PALLD: variants seen among roughly 807,000 people sequenced by gnomAD.
PALLD encodes palladin, cytoskeletal associated protein, also known as palladin.
A neutral mutation model predicts 123.5 loss-of-function variants in PALLD; 61 were observed. That is an observed-to-expected ratio of 0.49 (90% CI 0.40 to 0.61). The LOEUF (loss-of-function observed/expected upper bound fraction) is 0.61. PALLD is among the 20% of genes least tolerant of loss of function. PALLD has a pLI of 0.00. For missense variants in PALLD, 1,273 were observed against 1,377.0 expected (o/e 0.92, Z 1.20); for synonymous variants, 465 against 496.4 (o/e 0.94, Z 0.84).
intron 10 of PALLD, among the ~76,000 whole-genome samples, chr4:168,759,660 A>G (rs925437537): frequency 1.4e-5 from 2 of 145,662 alleles, no homozygotes; most frequent in Non-Finnish European, 3.0e-5. Context: ...ATAAAGTGAT[A>G]AAACCTAAAC....
chr4:168,925,692 A>ATTTTTTT (rs1762445999), intron 21 of PALLD, among the ~76,000 whole-genome samples: 2 of 152,162 alleles, frequency 1.3e-5, no homozygotes, highest in Non-Finnish European at 2.9e-5. Flanking sequence ...TAAAAAAAAC[A>ATTTTTTT]CTAGAAAAAA....
At chr4:168,580,618 A>G (rs182682209) in intron 2 of PALLD, among the ~76,000 whole-genome samples, 11 of 152,242 alleles carry the variant, frequency 7.2e-5, no homozygotes, top group Non-Finnish European at 1.3e-4. Flanking sequence ...CAATCACATT[A>G]CCGGGTATAT....
chr4:168,621,553 C>T (rs1774764883), intron 2 of PALLD, among the ~76,000 whole-genome samples: 1 of 152,154 alleles, frequency 6.6e-6, no homozygotes, highest in Non-Finnish European at 1.5e-5. Context: ...CATTTGCTTA[C>T]TTTAAGCTTT....
intron 2 of PALLD, among the ~76,000 whole-genome samples, chr4:168,575,002 C>T (rs575749681): frequency 8.5e-5 from 13 of 152,144 alleles, no homozygotes; most frequent in East Asian, 7.7e-4. Context: ...TTTTAATATC[C>T]GGGATTAAAA....
In PALLD at chr4:168,828,164, C is replaced by A. The variant is rs920929390; in HGVS notation, c.1965-62758C>A. 2.6e-5 allele frequency among the ~76,000 whole-genome samples: 4 copies of A among 152,136 alleles called. No homozygotes were observed. In the South Asian group the frequency reaches 8.3e-4, roughly 32 times the overall value. The stretch of plus-strand genomic sequence containing the variant: ...ACTCTGAGGAAATACATAGCAAAAG[C>A]CTCCTTGTAGAAAATGTGCCAATCC... On this transcript the variant is annotated intron_variant, in intron 10 of 21. Coordinates refer to ENST00000505667, the MANE Select transcript of PALLD (RefSeq NM_001166108.2).
chr4:168,696,078 A>C lies in PALLD; in HGVS notation c.1501+4786A>C, dbSNP rs147075246. ...CATAATGTTTTAGGAAAGTTTATGA[A>C]TTTATGTTGGGCCACATTCAAAGCT... is the stretch of plus-strand genomic sequence containing the variant. On this transcript the variant is annotated intron_variant, in intron 8 of 21. Coordinates refer to ENST00000505667, the MANE Select transcript of PALLD (RefSeq NM_001166108.2). 1.8e-4 allele frequency among the ~76,000 whole-genome samples: 27 copies of C among 152,274 alleles called. 3 individuals carry two copies. Among genetic ancestry groups the C allele is most frequent in the African/African-American group, 5.8e-4 (24 of 41,564 alleles).
At chr4:168,548,535 G>A (rs1318222019) in intron 2 of PALLD, among the ~76,000 whole-genome samples, 1 of 152,090 alleles carries the variant, frequency 6.6e-6, no homozygotes, top group African/African-American at 2.4e-5. Context: ...TCTCAGAAGA[G>A]GCTAATAAAA....
Position 168,641,953 on chromosome 4 carries a change from G to A in PALLD, c.909-26237G>A, listed in dbSNP as rs757057179. On this transcript the variant is annotated intron_variant, in intron 2 of 21. Coordinates refer to ENST00000505667, the MANE Select transcript of PALLD (RefSeq NM_001166108.2). ...GATAGATGACTAGGGAATGGACAGC[G>A]CAATGAATGTTGATTGGGCATGCAC... is the stretch of plus-strand genomic sequence containing the variant. Among the ~76,000 whole-genome samples the A allele has an allele frequency of 7.9e-5, 12 of 152,146 alleles. No individual in the cohort carries two copies. The East Asian group carries it at 9.6e-4, about 12-fold the overall frequency.
intron 10 of PALLD, among the ~76,000 whole-genome samples, chr4:168,841,998 T>C (rs1395830485): frequency 6.6e-6 from 1 of 152,258 alleles, no homozygotes; most frequent in Admixed American, 6.5e-5. Flanking sequence ...CTGTTAATAC[T>C]GTCATTTGAA....
intron 2 of PALLD, among the ~76,000 whole-genome samples, chr4:168,567,158 C>CA (rs2149594991): frequency 6.6e-6 from 1 of 152,060 alleles, no homozygotes; most frequent in African/African-American, 2.4e-5. Context: ...TTTATAAAAA[C>CA]AAAAATAGAC....
chr4:168,600,788 G>A (rs1289038146), intron 2 of PALLD, among the ~76,000 whole-genome samples: 1 of 152,142 alleles, frequency 6.6e-6, no homozygotes, highest in Non-Finnish European at 1.5e-5. Flanking sequence ...TAGACTGCAA[G>A]CAGTTACCAA....
chr4:168,644,983 C>G (rs1777299285), intron 2 of PALLD, among the ~76,000 whole-genome samples: 1 of 151,804 alleles, frequency 6.6e-6, no homozygotes, highest in South Asian at 2.1e-4. Context: ...CGCCTGTAAT[C>G]CCAGCTACTC....
At chr4:168,821,326 CA>C (rs1742680345) in intron 10 of PALLD, among the ~76,000 whole-genome samples, 1 of 152,096 alleles carries the variant, frequency 6.6e-6, no homozygotes, top group Admixed American at 6.6e-5. Flanking sequence ...AAGTCCTCTG[CA>C]AAACATTATC....
chr4:168,906,320 T>C (rs949553829), intron 15 of PALLD, among the ~76,000 whole-genome samples: 1 of 152,196 alleles, frequency 6.6e-6, no homozygotes, highest in African/African-American at 2.4e-5. Context: ...CAATTGTGAG[T>C]CCGCTTAGTG....
chr4:168,703,127 CAG>C (rs1419117094), intron 8 of PALLD, among the ~76,000 whole-genome samples: 3,743 of 140,330 alleles, frequency 0.027, 154 homozygotes, highest in East Asian at 0.24. Flanking sequence ...TCTCATTGTT[CAG>C]TTCCCACCTA....
At chr4:168,583,307 A>G (rs999011687) in intron 2 of PALLD, among the ~76,000 whole-genome samples, 1 of 152,212 alleles carries the variant, frequency 6.6e-6, no homozygotes, top group African/African-American at 2.4e-5. Flanking sequence ...TTATCTAAAA[A>G]GTATGTGAAA....
At position 168,511,722 on chromosome 4, in the gene PALLD, C is replaced by T; in HGVS notation, c.218C>T (p.Ala73Val). ...EISQIFSTSP[A>V]SLCEHPSHKE... ...TCGCAGATTTTCAGTACTTCTCCTG[C>T]AAGCCTCTGTGAACATCCTTCCCAT... is the stretch of plus-strand genomic sequence containing the variant. The change falls in exon 2 of 22, where the codon GCA (alanine) becomes GTA (valine). Residue 73 changes from alanine to valine, a missense_variant. Transcript: ENST00000505667. 1 of 1,614,152 alleles carries T rather than the reference C, an allele frequency of 6.2e-7. No homozygotes were observed. The highest frequency in any genetic ancestry group is 1.7e-5 in the Admixed American group (1 of 60,024).
intron 2 of PALLD, among the ~76,000 whole-genome samples, chr4:168,555,712 G>A (rs1476236919): frequency 3.9e-5 from 6 of 152,204 alleles, no homozygotes; most frequent in African/African-American, 1.4e-4. Flanking sequence ...GACTTGCCAA[G>A]CATAACACAT....
chr4:168,609,210 A>G (rs1019592593), intron 2 of PALLD, among the ~76,000 whole-genome samples: 4 of 151,932 alleles, frequency 2.6e-5, no homozygotes, highest in African/African-American at 9.7e-5. Flanking sequence ...ATAGGGGTCT[A>G]TTTTTTACTA....
Sources: allele counts gnomAD v4.1 joint callset (sites outside exome capture counted in the v4.1 genomes callset), GRCh38; gene constraint gnomAD v4.1.1; transcripts MANE v1.5; gene names NCBI Gene and HGNC (gene_info 2026-07-23, HGNC 2026-07-21).